The following PDE4DIP variants were observed in gnomAD, a reference collection of about 807,000 sequenced individuals.
The protein encoded by PDE4DIP is phosphodiesterase 4D interacting protein, also known as myomegalin.
A neutral mutation model predicts 221.4 loss-of-function variants in PDE4DIP; 59 were observed. The ratio of observed to expected loss-of-function variants is 0.27; its 90% CI spans 0.22 to 0.33. The LOEUF (loss-of-function observed/expected upper bound fraction) is 0.33. Among genes scored for constraint, PDE4DIP ranks in the 10% least tolerant of loss-of-function variants. The probability of loss-of-function intolerance (pLI) is 1.00; values close to 1 mark genes in which losing one functional copy is unlikely to be tolerated. For missense variants in PDE4DIP, 1,036 were observed against 2,154.2 expected (o/e 0.48, Z 10.28); for synonymous variants, 404 against 815.9 (o/e 0.50, Z 8.60).
At chr1:148,963,839 C>T (rs1409301870) in intron 9 of PDE4DIP, among the ~76,000 whole-genome samples, 1 of 139,360 alleles carries the variant, frequency 7.2e-6, no homozygotes, top group South Asian at 2.4e-4. Context: ...CTGCAAGCTC[C>T]GCCTCTCGGG....
At chr1:149,002,664 A>G (rs587677663) in intron 24 of PDE4DIP, among the ~76,000 whole-genome samples, 186 bp from the exon 28 acceptor site, 1 of 152,118 alleles carries the variant, frequency 6.6e-6, no homozygotes, top group African/African-American at 2.4e-5. Context: ...CTGTGGATAC[A>G]GATATGAAGA....
chr1:149,028,507 A>G (rs1455660188), intron 40 of PDE4DIP, 53 bp from the exon 44 acceptor site: 3 of 1,563,058 alleles, frequency 1.9e-6, no homozygotes, highest in African/African-American at 2.7e-5. Flanking sequence ...GCTTGAGCCC[A>G]TGCAGGGGGA....
intron 1 of PDE4DIP, among the ~76,000 whole-genome samples, chr1:148,846,732 TG>T (rs1677118697): frequency 6.9e-5 from 1 of 14,566 alleles, no homozygotes; most frequent in Admixed American, 7.9e-4. Flanking sequence ...CACTCCAGCC[TG>T]GGCGACAGAG....
chr1:149,030,775 A>G (rs2076514745), intron 43 of PDE4DIP: 1 of 984,460 alleles, frequency 1.0e-6, no homozygotes, highest in Non-Finnish European at 1.2e-6. Flanking sequence ...GTAACATGAC[A>G]AAAGAGATCT....
chr1:148,998,717 T>G (rs2064894051), intron 23 of PDE4DIP, among the ~76,000 whole-genome samples: 1 of 142,174 alleles, frequency 7.0e-6, no homozygotes, highest in Non-Finnish European at 1.5e-5. Context: ...CCAGAACAGT[T>G]CACGAAGGAG....
rs2074191054 is a variant in PDE4DIP at position 149,023,901 on chromosome 1, G to T, written c.6086-544G>T. On this transcript the variant is annotated intron_variant, in intron 37 of 43. Coordinates refer to ENST00000369354, the Ensembl canonical transcript of PDE4DIP. ...ATATATAAACACACTATATGTAGGT[G>T]TATATATATGTACACACACACACAC... Among the ~76,000 whole-genome samples, 7 of 150,834 alleles carry T rather than the reference G, an allele frequency of 4.6e-5. No homozygotes were observed. The South Asian group carries it at 1.3e-3, about 27-fold the overall frequency.
At chr1:148,989,712 CTG>C (rs2152347054) in intron 21 of PDE4DIP, among the ~76,000 whole-genome samples, 1 of 152,268 alleles carries the variant, frequency 6.6e-6, no homozygotes, top group Non-Finnish European at 1.5e-5. Context: ...TGTGAACAGT[CTG>C]TTTTTTGTCA....
chr1:149,028,661 G>A lies in PDE4DIP; in HGVS notation c.6771G>A (p.Ala2257=), dbSNP rs71246352. The A allele has an allele frequency of 0.018, 27,816 of 1,521,868 alleles. 4,316 individuals are homozygous for A. The East Asian group carries it at 0.39, about 21-fold the overall frequency. 94.3% of individuals were successfully genotyped at this position (1,521,868 alleles called of 1,614,324 possible). ...CCCTCCTCACCATGTTCTGGAGAGC[G>A]GCCCTGCCAAGCACCCACATCCCTG... Residue 2257 remains alanine, a synonymous_variant, in exon 41 of 44, where the codon GCG becomes GCA. Coordinates refer to ENST00000369354, the Ensembl canonical transcript of PDE4DIP.
intron 2 of PDE4DIP, chr1:148,866,559 GGGAAGGAAGGAAGGAA>G (rs879107996): frequency 1.6e-4 from 4 of 25,296 alleles, no homozygotes; most frequent in African/African-American, 3.9e-4. Context: ...AGAGGAGGGA[GGGAAGGAAGGAAGGAA>G]GGAAGGAAGG....
chr1:148,903,032 A>T (rs1354720645), intron 1 of PDE4DIP, among the ~76,000 whole-genome samples: 4 of 152,104 alleles, frequency 2.6e-5, no homozygotes, highest in Admixed American at 2.6e-4. Flanking sequence ...AGCAGTGTAG[A>T]AGTGTTCCCT....
chr1:148,953,422 T>A (rs141739204), intron 5 of PDE4DIP: 1,531 of 1,614,048 alleles, frequency 9.5e-4, no homozygotes, highest in Non-Finnish European at 1.1e-3. Context: ...CAGCGTTGTC[T>A]GAGGTTGGGC....
rs587620818 is a variant in PDE4DIP at position 148,998,339 on chromosome 1, T to C, written c.3101T>C (p.Ile1034Thr). 1.2e-5 allele frequency: 19 copies of C among 1,599,174 alleles called. No individual in the cohort carries two copies. In the African/African-American group the frequency reaches 1.5e-4, roughly 12 times the overall value. Residue 1034 changes from isoleucine to threonine, a missense_variant, in exon 23 of 44, where the codon ATT becomes ACT. Ile to Thr is a moderately conservative substitution (Grantham distance 89, BLOSUM62 -1). Coordinates refer to ENST00000369354, the Ensembl canonical transcript of PDE4DIP. The stretch of plus-strand genomic sequence containing the variant: ...GAACTGAAGGAGCTAAAGGCTCAAA[T>C]TGAGGAAGCAGGATTCTCCTCAGTG...
At position 148,998,434 on chromosome 1, in the gene PDE4DIP, G is replaced by A. The variant is rs2064824149; in HGVS notation, c.3137+59G>A. 3.5e-6 allele frequency: 3 copies of A among 860,578 alleles called. No individual in the cohort carries two copies. In the East Asian group the frequency reaches 7.4e-5, roughly 21 times the overall value. 53.3% of individuals were successfully genotyped at this position (860,578 alleles called of 1,614,324 possible). A position where few individuals can be genotyped will look rare whatever the true frequency, so the allele number is the denominator to read the frequency against. ...AGGTCATGAGGCACCACAGCCAAGG[G>A]GTGCCTATCCCAGGCTCCATGCATT... On this transcript the variant is annotated intron_variant, in intron 23 of 43. Transcript: ENST00000369354.
intron 5 of PDE4DIP, among the ~76,000 whole-genome samples, chr1:148,947,947 C>T (rs1477517055): frequency 6.6e-6 from 1 of 151,614 alleles, no homozygotes; most frequent in Non-Finnish European, 1.5e-5. Context: ...TCTTGAGCCC[C>T]ACCCCAGACC....
rs587607578 is a variant in PDE4DIP at position 148,919,751 on chromosome 1, C to G, written c.142-9446C>G. Among the ~76,000 whole-genome samples the G allele has an allele frequency of 6.3e-3, 948 of 151,206 alleles. 12 individuals are homozygous for G. The highest frequency in any genetic ancestry group is 8.7e-3 in the Non-Finnish European group (588 of 67,880). ...TTGGGTGAATAATCAGGAGTTACAT[C>G]AGGGTTTCCCTACAAGATTTTGAAA... On this transcript the variant is annotated intron_variant, in intron 1 of 43. Coordinates refer to ENST00000369354, the Ensembl canonical transcript of PDE4DIP.
intron 20 of PDE4DIP, 100 bp from the exon 24 acceptor site, chr1:148,981,170 G>A (rs1200885056): frequency 1.9e-5 from 20 of 1,042,814 alleles, no homozygotes; most frequent in Non-Finnish European, 2.5e-5. Context: ...TTACAAAGTC[G>A]TGTGGCTCAA....
exon 12 of PDE4DIP, chr1:148,966,960 A>G (rs782692227): frequency 2.6e-5 from 42 of 1,610,732 alleles, no homozygotes; most frequent in South Asian, 8.8e-5. Context: ...CTCTCCTCCA[A>G]TGAAGCTACT....
chr1:148,990,108 T>C, intron 21 of PDE4DIP: 7 of 503,866 alleles, frequency 1.4e-5, no homozygotes, highest in Non-Finnish European at 1.8e-5. Context: ...ACCTAAGCTG[T>C]TATCACAGCA....
intron 1 of PDE4DIP, among the ~76,000 whole-genome samples, chr1:148,899,162 A>ATACAAAAGCAGAGGTG (rs1553445229): frequency 2.5e-5 from 3 of 120,224 alleles, no homozygotes; most frequent in African/African-American, 1.1e-4. Context: ...AAGAAACAAT[A>ATACAAAAGCAGAGGTG]TACAAAAGCA....
Sources: gnomAD v4.1 joint callset for allele counts (sites outside exome capture counted in the v4.1 genomes callset) on GRCh38, gnomAD v4.1.1 for gene constraint, MANE v1.5 for transcripts, NCBI Gene and HGNC (gene_info 2026-07-23, HGNC 2026-07-21) for gene names.